STPG2: variants seen among roughly 807,000 people sequenced by gnomAD.
STPG2 encodes the protein sperm tail PG-rich repeat containing 2.
STPG2 carries 56 observed loss-of-function variants against 54.2 expected under a neutral mutation model. The ratio of observed to expected loss-of-function variants is 1.03; its 90% CI spans 0.83 to 1.29. STPG2 has a LOEUF of 1.29. Ranked by LOEUF, STPG2 falls within the 50% of genes most tolerant of loss-of-function variation. The pLI, the probability that STPG2 is intolerant of heterozygous loss-of-function variation, is 0.00. For synonymous variants in STPG2, 200 were observed against 181.8 expected, an observed-to-expected ratio of 1.10 and a Z score of -0.81; for missense variants, 596 against 544.9, an observed-to-expected ratio of 1.09 and a Z score of -0.93.
chr4:97,631,668 C>T (rs1026694619), intron 10 of STPG2, among the ~76,000 whole-genome samples: 3 of 152,110 alleles, frequency 2.0e-5, no homozygotes, highest in Middle Eastern at 3.4e-3. Context: ...AAAGTTATTA[C>T]ACACTAAATG....
At chr4:97,602,215 T>C (rs1733480635) in intron 10 of STPG2, among the ~76,000 whole-genome samples, 1 of 151,874 alleles carries the variant, frequency 6.6e-6, no homozygotes, top group Non-Finnish European at 1.5e-5. Flanking sequence ...TTTTTCATTT[T>C]ATCCATGTAC....
chr4:98,070,102 A>G (rs928220713), intron 5 of STPG2, among the ~76,000 whole-genome samples: 7 of 152,090 alleles, frequency 4.6e-5, no homozygotes, highest in African/African-American at 1.7e-4. Context: ...ATGAACATCA[A>G]TGCAAAAATT....
At chr4:97,864,221 A>C (rs1324187226) in intron 8 of STPG2, among the ~76,000 whole-genome samples, 27 of 152,158 alleles carry the variant, frequency 1.8e-4, no homozygotes, top group South Asian at 2.1e-4. Context: ...CCCAAAATCT[A>C]CTTAAGCTGA....
chr4:97,970,478 C>G (rs1263660991), intron 7 of STPG2, among the ~76,000 whole-genome samples: 2 of 152,136 alleles, frequency 1.3e-5, no homozygotes, highest in Non-Finnish European at 2.9e-5. Context: ...ACCAATGGAA[C>G]AGAACAGAGC....
chr4:97,956,446 G>A (rs1733678252), intron 7 of STPG2, among the ~76,000 whole-genome samples: 1 of 152,142 alleles, frequency 6.6e-6, no homozygotes, highest in African/African-American at 2.4e-5. Flanking sequence ...CATCCCACTT[G>A]GAAGGACAGA....
intron 5 of STPG2, among the ~76,000 whole-genome samples, chr4:97,995,940 A>G (rs1578765727): frequency 1.3e-5 from 2 of 152,324 alleles, no homozygotes; most frequent in East Asian, 3.9e-4. Context: ...ATCAGAGATG[A>G]CACAAACAGA....
intron 4 of STPG2, among the ~76,000 whole-genome samples, chr4:97,519,371 A>G (rs989386282): frequency 6.6e-6 from 1 of 151,970 alleles, no homozygotes; most frequent in Non-Finnish European, 1.5e-5. Context: ...AAGGTCTAGA[A>G]AGTTCCCCAG....
intron 4 of STPG2, among the ~76,000 whole-genome samples, chr4:97,465,833 C>T (rs2148811569): frequency 6.7e-6 from 1 of 150,216 alleles, no homozygotes; most frequent in Admixed American, 6.6e-5. Flanking sequence ...ATTTTTGATC[C>T]ATGGTTGGTG....
At chr4:97,572,404 C>T (rs1459097317) in intron 10 of STPG2, among the ~76,000 whole-genome samples, 2 of 152,118 alleles carry the variant, frequency 1.3e-5, no homozygotes, top group African/African-American at 2.4e-5. Context: ...TTACATGCAG[C>T]AGCTATTATA....
At chr4:97,521,817 C>T (rs1324650455) in intron 4 of STPG2, among the ~76,000 whole-genome samples, 1 of 151,764 alleles carries the variant, frequency 6.6e-6, no homozygotes, top group Non-Finnish European at 1.5e-5. Context: ...AGGTTAAAAA[C>T]AAGATACCCA....
chr4:97,622,338 C>T (rs544912568), intron 10 of STPG2, among the ~76,000 whole-genome samples: 40 of 152,138 alleles, frequency 2.6e-4, no homozygotes, highest in Middle Eastern at 3.4e-3. Context: ...AGTCAAACCA[C>T]CCTTGTTTAC....
At chr4:98,069,221 T>C (rs1341442471) in intron 5 of STPG2, among the ~76,000 whole-genome samples, 1 of 152,106 alleles carries the variant, frequency 6.6e-6, no homozygotes, top group Non-Finnish European at 1.5e-5. Flanking sequence ...TAGGAGAATT[T>C]GGTGTTCCAC....
At chr4:97,445,079 G>A (rs775966054) in intron 4 of STPG2, among the ~76,000 whole-genome samples, 1 of 152,122 alleles carries the variant, frequency 6.6e-6, no homozygotes. Context: ...ATAATCTATT[G>A]TGGAGTCAAC....
intron 8 of STPG2, among the ~76,000 whole-genome samples, chr4:97,924,249 G>A (rs867068329): frequency 9.2e-5 from 14 of 152,296 alleles, no homozygotes; most frequent in South Asian, 6.2e-4. Flanking sequence ...GCGAGGGTCC[G>A]CGGCTTCATT....
At chr4:97,858,188 CAAG>C (rs1036777465) in intron 8 of STPG2, among the ~76,000 whole-genome samples, 1 of 152,022 alleles carries the variant, frequency 6.6e-6, no homozygotes, top group South Asian at 2.1e-4. Context: ...CATTCAATTA[CAAG>C]AAGGATACAG....
intron 10 of STPG2, among the ~76,000 whole-genome samples, chr4:97,673,777 G>T (rs1378047221): frequency 1.3e-5 from 2 of 151,518 alleles, no homozygotes; most frequent in African/African-American, 4.8e-5. Context: ...TCTTTACTCT[G>T]GTGTATAAAA....
At chr4:97,863,508 C>G (rs1048758674) in intron 8 of STPG2, among the ~76,000 whole-genome samples, 1 of 152,190 alleles carries the variant, frequency 6.6e-6, no homozygotes, top group African/African-American at 2.4e-5. Context: ...TAGCCGAATT[C>G]TACCAGAGGT....
In STPG2 at chr4:97,726,729, G is replaced by T. The variant is rs79882391; in HGVS notation, c.1205-13915C>A. ...TGGGACTTTGAATTAATAAGGAAAA[G>T]TTTATTGCTTTTCTCTAAGCTCTTC... is the stretch of plus-strand genomic sequence containing the variant. On this transcript the variant is annotated intron_variant, in intron 9 of 10. Coordinates refer to ENST00000295268, the MANE Select transcript of STPG2 (RefSeq NM_174952.3). 3.5e-3 allele frequency among the ~76,000 whole-genome samples: 533 copies of T among 151,806 alleles called. 4 individuals are homozygous for T. Among genetic ancestry groups the T allele is most frequent in the African/African-American group, 0.013 (523 of 41,482 alleles).
At position 97,585,116 on chromosome 4, in the gene STPG2, AAAAAAAAAC is replaced by A. The variant is rs1220702263; in HGVS notation, c.1321-26008_1321-26000del. 5.4e-5 allele frequency among the ~76,000 whole-genome samples: 8 copies of A among 148,284 alleles called. 1 individual carries two copies. Among genetic ancestry groups the A allele is most frequent in the African/African-American group, 2.0e-4 (8 of 39,556 alleles). ...AAAATATTCTCAAAAAAAAAAAAAAAAAAAAAAACAAAACTACAAGTTAACATCCAACAG... is the reference window on the plus strand; with the variant it reads ...AAAATATTCTCAAAAAAAAAAAAAAAAAAACTACAAGTTAACATCCAACAG... On this transcript the variant is annotated intron_variant, in intron 10 of 10. Coordinates refer to ENST00000295268, the MANE Select transcript of STPG2 (RefSeq NM_174952.3).
Sources: allele counts gnomAD v4.1 joint callset (sites outside exome capture counted in the v4.1 genomes callset), GRCh38; gene constraint gnomAD v4.1.1; transcripts MANE v1.5; gene names NCBI Gene and HGNC (gene_info 2026-07-23, HGNC 2026-07-21).